The following GRXCR1 variants were observed in gnomAD, a reference collection of about 807,000 sequenced individuals.
GRXCR1 encodes glutaredoxin and cysteine rich domain containing 1.
A neutral mutation model predicts 27.3 loss-of-function variants in GRXCR1; 27 were observed. The ratio of observed to expected loss-of-function variants is 0.99; its 90% CI spans 0.73 to 1.37. The LOEUF (loss-of-function observed/expected upper bound fraction) is 1.37, where lower values mean the gene tolerates loss of function less well. GRXCR1 is among the 40% of genes most tolerant of loss of function. The pLI, the probability that GRXCR1 is intolerant of heterozygous loss-of-function variation, is 0.00. For missense variants in GRXCR1, 379 were observed against 354.4 expected, an observed-to-expected ratio of 1.07 and a Z score of -0.56; for synonymous variants, 122 against 131.1, an observed-to-expected ratio of 0.93 and a Z score of 0.47.
intron 2 of GRXCR1, among the ~76,000 whole-genome samples, chr4:42,976,464 T>C (rs1281834470): frequency 6.6e-6 from 1 of 152,050 alleles, no homozygotes; most frequent in Non-Finnish European, 1.5e-5. Flanking sequence ...TATTTTTGAA[T>C]TATAATGTAC....
At position 43,024,306 on chromosome 4, in the gene GRXCR1, T is replaced by C. The variant is rs183803604; in HGVS notation, c.693+3887T>C. The stretch of plus-strand genomic sequence containing the variant: ...GAAGAACCGAGCAAAGATTCCCGGC[T>C]ACACACTTAGTATGTCAAAAATGGC... On this transcript the variant is annotated intron_variant, in intron 3 of 3. Coordinates refer to ENST00000399770, the MANE Select transcript of GRXCR1 (RefSeq NM_001080476.3). 8.4e-3 allele frequency among the ~76,000 whole-genome samples: 1,276 copies of C among 151,196 alleles called. 24 individuals are homozygous for C. Among genetic ancestry groups the C allele is most frequent in the Non-Finnish European group, 0.014 (920 of 67,924 alleles).
In GRXCR1 at chr4:42,893,555, G is replaced by T. The variant is rs186041671; in HGVS notation, c.289G>T (p.Val97Phe). 10 of 1,613,822 alleles carry T rather than the reference G, an allele frequency of 6.2e-6. No homozygotes were observed. Among genetic ancestry groups the T allele is most frequent in the Admixed American group, 1.7e-5 (1 of 59,976 alleles). Residue 97 changes from valine (V) to phenylalanine (F), a missense_variant, in exon 1 of 4, where the codon GTC (valine) becomes TTC (phenylalanine). Transcript: ENST00000399770. ...ASEKGFGTRR[V>F]NILSKNGTVR... ...TGAGAAGGGTTTTGGTACAAGAAGA[G>T]TCAACATTTTAAGCAAAAATGGCAC... is the stretch of plus-strand genomic sequence containing the variant.
At chr4:42,899,958 G>C (rs1306790465) in intron 1 of GRXCR1, among the ~76,000 whole-genome samples, 1 of 152,122 alleles carries the variant, frequency 6.6e-6, no homozygotes, top group Non-Finnish European at 1.5e-5. Flanking sequence ...CTTAATGAAT[G>C]CTTATGGGTG....
Position 43,030,522 on chromosome 4 carries a change from T to C in GRXCR1, c.855T>C (p.Cys285=). ...TACNENGLQR[C]KNCAG ...GCAATGAAAATGGTCTTCAGCGTTG[T>C]AAGAACTGTGCTGGTTAATTGGAGC... Residue 285 remains cysteine (C), a synonymous_variant, in exon 4 of 4, where the codon TGT becomes TGC. Transcript: ENST00000399770. 2 of 1,614,170 alleles carry C rather than the reference T, an allele frequency of 1.2e-6. No homozygotes were observed. Among genetic ancestry groups the C allele is most frequent in the Non-Finnish European group, 1.7e-6 (2 of 1,179,980 alleles).
intron 2 of GRXCR1, among the ~76,000 whole-genome samples, chr4:42,991,322 C>T (rs1324818276): frequency 1.3e-5 from 2 of 151,874 alleles, no homozygotes; most frequent in African/African-American, 4.8e-5. Context: ...TAGAACTTAA[C>T]CCATTTATAT....
intron 1 of GRXCR1, among the ~76,000 whole-genome samples, chr4:42,896,301 G>A (rs557853919): frequency 6.6e-6 from 1 of 152,202 alleles, no homozygotes; most frequent in African/African-American, 2.4e-5. Flanking sequence ...TACTTAGAAA[G>A]TTGTCTATTA....
intron 3 of GRXCR1, among the ~76,000 whole-genome samples, chr4:43,022,314 T>C (rs1373036048): frequency 6.6e-6 from 1 of 152,170 alleles, no homozygotes; most frequent in East Asian, 1.9e-4. Flanking sequence ...TTGTACAGAT[T>C]GATGACTGAT....
chr4:42,984,271 C>A (rs1711605038), intron 2 of GRXCR1, among the ~76,000 whole-genome samples: 1 of 152,136 alleles, frequency 6.6e-6, no homozygotes, highest in Non-Finnish European at 1.5e-5. Flanking sequence ...AAATTTCTTT[C>A]TTGTCACTTT....
chr4:42,995,443 T>G (rs1712123782), intron 2 of GRXCR1, among the ~76,000 whole-genome samples: 1 of 152,160 alleles, frequency 6.6e-6, no homozygotes, highest in African/African-American at 2.4e-5. Context: ...AAAAACATTT[T>G]TGTTTAAAAG....
chr4:42,915,080 G>A (rs565036152), intron 1 of GRXCR1, among the ~76,000 whole-genome samples: 1 of 152,232 alleles, frequency 6.6e-6, no homozygotes, highest in East Asian at 1.9e-4. Flanking sequence ...AGCAGCATGA[G>A]AATGAACTAA....
chr4:42,908,498 A>G (rs1746647632), intron 1 of GRXCR1, among the ~76,000 whole-genome samples: 1 of 152,182 alleles, frequency 6.6e-6, no homozygotes, highest in Non-Finnish European at 1.5e-5. Context: ...AACTTTAGTG[A>G]CATCTGATTT....
chr4:42,950,361 C>T (rs573409952), intron 1 of GRXCR1, among the ~76,000 whole-genome samples: 30 of 152,232 alleles, frequency 2.0e-4, no homozygotes, highest in African/African-American at 6.0e-4. Context: ...CTGACTTATT[C>T]GCTGCCTGGC....
intron 2 of GRXCR1, among the ~76,000 whole-genome samples, chr4:42,990,348 C>T (rs1711930223): frequency 6.6e-6 from 1 of 150,478 alleles, no homozygotes. Context: ...CCCGCCACTA[C>T]GCCCGGCTAA....
intron 2 of GRXCR1, among the ~76,000 whole-genome samples, chr4:42,999,395 G>A (rs1317308692): frequency 6.6e-6 from 1 of 152,188 alleles, no homozygotes; most frequent in African/African-American, 2.4e-5. Context: ...AAGGTCCTTC[G>A]ACTGCACAGC....
intron 1 of GRXCR1, among the ~76,000 whole-genome samples, chr4:42,936,609 T>C (rs1321361531): frequency 6.6e-6 from 1 of 151,904 alleles, no homozygotes; most frequent in Admixed American, 6.6e-5. Context: ...AAGTCCATAC[T>C]TTATTCAGAT....
chr4:42,899,715 C>G (rs924184603), intron 1 of GRXCR1, among the ~76,000 whole-genome samples: 3 of 152,138 alleles, frequency 2.0e-5, no homozygotes, highest in African/African-American at 7.2e-5. Context: ...TTAGCACCGA[C>G]TTATCCAAGT....
Position 43,028,159 on chromosome 4 carries a change from G to T in GRXCR1, c.694-2202G>T, listed in dbSNP as rs1713316683. On this transcript the variant is annotated intron_variant, in intron 3 of 3. Transcript: ENST00000399770. ...AAATAATTTATACGGTTGGTAAATA[G>T]CCATTGCCCAAGATGGATTAATATC... Among the ~76,000 whole-genome samples the T allele has an allele frequency of 1.3e-5, 2 of 151,632 alleles. 1 individual carries two copies. The highest frequency in any genetic ancestry group is 1.3e-4 in the Admixed American group (2 of 15,192).
At chr4:42,901,693 G>T (rs1746464430) in intron 1 of GRXCR1, among the ~76,000 whole-genome samples, 1 of 152,118 alleles carries the variant, frequency 6.6e-6, no homozygotes, top group Non-Finnish European at 1.5e-5. Flanking sequence ...TCTATACTTG[G>T]TATTAAGCTT....
intron 1 of GRXCR1, among the ~76,000 whole-genome samples, chr4:42,940,018 GT>G (rs558097016): frequency 7.8e-4 from 119 of 151,934 alleles, no homozygotes; most frequent in African/African-American, 2.7e-3. Context: ...GCCTTTACCC[GT>G]GGAGAGCAGG....
Sources: gnomAD v4.1 joint callset for allele counts (sites outside exome capture counted in the v4.1 genomes callset) on GRCh38, gnomAD v4.1.1 for gene constraint, MANE v1.5 for transcripts, NCBI Gene and HGNC (gene_info 2026-07-23, HGNC 2026-07-21) for gene names.